Variants in LCLAT1 observed in about 807,000 individuals in gnomAD.
The protein encoded by LCLAT1 is lysocardiolipin acyltransferase 1, also known as 1-AGP acyltransferase 8.
Under a neutral mutation model 30.7 loss-of-function variants are expected in LCLAT1, and 11 were observed. The observed-to-expected ratio is 0.36, with a 90% CI of 0.23 to 0.59. The LOEUF is 0.59. Ranked by LOEUF, LCLAT1 falls within the 20% of genes least tolerant of loss-of-function variation. LCLAT1 has a pLI of 0.77. For missense variants in LCLAT1, 402 were observed against 458.6 expected, an observed-to-expected ratio of 0.88 and a Z score of 1.13; for synonymous variants, 155 against 151.3, an observed-to-expected ratio of 1.02 and a Z score of -0.18.
intron 1 of LCLAT1, among the ~76,000 whole-genome samples, chr2:30,484,285 G>T (rs1040257434): frequency 6.6e-6 from 1 of 152,240 alleles, no homozygotes; most frequent in African/African-American, 2.4e-5. Context: ...GTTCTGCAGG[G>T]ATTTCCCATA....
chr2:30,455,904 T>C (rs1456106178), intron 1 of LCLAT1, among the ~76,000 whole-genome samples: 3 of 65,168 alleles, frequency 4.6e-5, no homozygotes, highest in African/African-American at 2.1e-4. Context: ...AGTGAGACCC[T>C]ATATCAAAAA....
intron 1 of LCLAT1, among the ~76,000 whole-genome samples, chr2:30,520,695 G>T (rs917486028): frequency 3.9e-5 from 6 of 152,096 alleles, no homozygotes; most frequent in Non-Finnish European, 7.4e-5. Flanking sequence ...TACATTTTAG[G>T]TGTTACTATA....
chr2:30,637,503 C>T (rs1669094657), intron 5 of LCLAT1, among the ~76,000 whole-genome samples: 1 of 152,174 alleles, frequency 6.6e-6, no homozygotes. Context: ...AGCGCCAGCC[C>T]TTTCTCAAAT....
At chr2:30,634,291 G>A (rs2609917) in intron 5 of LCLAT1, among the ~76,000 whole-genome samples, 131,455 of 152,234 alleles carry the variant, frequency 0.86, 56,995 homozygotes, top group East Asian at 0.94. Flanking sequence ...TCTAAAGCCC[G>A]TATAGACAGA....
intron 5 of LCLAT1, among the ~76,000 whole-genome samples, chr2:30,632,735 A>G (rs1336534431): frequency 1.3e-5 from 2 of 152,190 alleles, no homozygotes; most frequent in Non-Finnish European, 1.5e-5. Context: ...ACAAAACCCT[A>G]CGAGGGTAGG....
At chr2:30,630,283 C>G (rs1668708059) in intron 5 of LCLAT1, among the ~76,000 whole-genome samples, 1 of 152,142 alleles carries the variant, frequency 6.6e-6, no homozygotes, top group Admixed American at 6.5e-5. Flanking sequence ...AGGCTTATCT[C>G]CAAGTATAGT....
chr2:30,593,944 G>A (rs1280547927), intron 5 of LCLAT1, among the ~76,000 whole-genome samples: 2 of 144,656 alleles, frequency 1.4e-5, no homozygotes, highest in South Asian at 2.2e-4. Flanking sequence ...AAAAAGACAT[G>A]TAAAATTCTA....
At chr2:30,570,888 G>A (rs964942682) in intron 5 of LCLAT1, among the ~76,000 whole-genome samples, 1 of 152,080 alleles carries the variant, frequency 6.6e-6, no homozygotes, top group African/African-American at 2.4e-5. Context: ...CATTTCTGGG[G>A]GTTCAAGTGA....
At chr2:30,505,000 G>A (rs829659) in intron 1 of LCLAT1, among the ~76,000 whole-genome samples, 113,728 of 152,038 alleles carry the variant, frequency 0.75, 43,213 homozygotes, top group East Asian at 0.87. Flanking sequence ...GAGCAGATCA[G>A]TTTAGAAAAT....
intron 5 of LCLAT1, among the ~76,000 whole-genome samples, chr2:30,602,621 CACAA>C (rs1417122724): frequency 2.0e-5 from 3 of 151,986 alleles, no homozygotes; most frequent in East Asian, 1.9e-4. Flanking sequence ...TCAAGTTTTT[CACAA>C]ACAGATTAAT....
intron 5 of LCLAT1, among the ~76,000 whole-genome samples, chr2:30,613,406 AGAGT>A (rs1342827872): frequency 1.3e-5 from 2 of 152,122 alleles, no homozygotes; most frequent in African/African-American, 4.8e-5. Flanking sequence ...AGAGAAGTGG[AGAGT>A]GAGGTAAAAT....
chr2:30,635,263 A>C (rs971957937), intron 5 of LCLAT1, among the ~76,000 whole-genome samples: 3 of 150,392 alleles, frequency 2.0e-5, no homozygotes, highest in African/African-American at 7.3e-5. Context: ...TATATATAAA[A>C]TAAAAGTATC....
At chr2:30,499,473 C>A (rs747315240) in intron 1 of LCLAT1, among the ~76,000 whole-genome samples, 1 of 152,174 alleles carries the variant, frequency 6.6e-6, no homozygotes, top group African/African-American at 2.4e-5. Context: ...TGAGCCACTG[C>A]GCCCAGCCTA....
chr2:30,461,661 T>G (rs1430886034), intron 1 of LCLAT1, among the ~76,000 whole-genome samples: 1 of 152,174 alleles, frequency 6.6e-6, no homozygotes, highest in Non-Finnish European at 1.5e-5. Flanking sequence ...GCTTTCTGAC[T>G]TTAAAGCCCT....
chr2:30,549,809 A>T (rs572335049), intron 3 of LCLAT1, among the ~76,000 whole-genome samples: 19 of 152,330 alleles, frequency 1.2e-4, no homozygotes, highest in Non-Finnish European at 1.8e-4. Context: ...TATGTCATTT[A>T]AAAAATATGG....
At chr2:30,595,536 C>T (rs1322173496) in intron 5 of LCLAT1, among the ~76,000 whole-genome samples, 1 of 152,168 alleles carries the variant, frequency 6.6e-6, no homozygotes, top group East Asian at 1.9e-4. Flanking sequence ...TCACCCATTC[C>T]TCCCTGTTTC....
intron 5 of LCLAT1, among the ~76,000 whole-genome samples, chr2:30,586,845 TAAAAA>T (rs1425841470): frequency 6.6e-6 from 1 of 152,068 alleles, no homozygotes; most frequent in African/African-American, 2.4e-5. Flanking sequence ...AAAAAAGACT[TAAAAA>T]AAACCATGCA....
Position 30,546,586 on chromosome 2 carries a change from A to G in LCLAT1, c.364+13272A>G, listed in dbSNP as rs142247681. Among the ~76,000 whole-genome samples, 105 of 152,348 alleles carry G rather than the reference A, an allele frequency of 6.9e-4. 1 individual carries two copies. The highest frequency in any genetic ancestry group is 1.3e-3 in the Non-Finnish European group (88 of 68,032). ...TTGATGTATTTATAAACATTACAAT[A>G]AATTTGTGTAAATAAATGTGCCATT... On this transcript the variant is annotated intron_variant, in intron 3 of 5. Coordinates refer to ENST00000379509, the MANE Select transcript of LCLAT1 (RefSeq NM_001002257.3).
At chr2:30,623,147 G>A (rs977197305) in intron 5 of LCLAT1, among the ~76,000 whole-genome samples, 1 of 148,436 alleles carries the variant, frequency 6.7e-6, no homozygotes, top group Non-Finnish European at 1.5e-5. Context: ...TCCGCCTCCT[G>A]GATTCATGCC....
Sources: gnomAD v4.1 joint callset for allele counts (sites outside exome capture counted in the v4.1 genomes callset) on GRCh38, gnomAD v4.1.1 for gene constraint, MANE v1.5 for transcripts, NCBI Gene and HGNC (gene_info 2026-07-23, HGNC 2026-07-21) for gene names.